The following CCDC192 variants were observed in gnomAD, a reference collection of about 807,000 sequenced individuals.
CCDC192 encodes the protein coiled-coil domain containing 192, also known as coiled-coil domain-containing protein 192.
chr5:127,804,854 A>G (rs1186575036), intron 5 of CCDC192, among the ~76,000 whole-genome samples: 2 of 152,178 alleles, frequency 1.3e-5, no homozygotes, highest in Non-Finnish European at 2.9e-5. Flanking sequence ...TGTCCAGTGA[A>G]GCCCCTAGCA....
intron 6 of CCDC192, among the ~76,000 whole-genome samples, chr5:127,881,775 A>G (rs926150305): frequency 1.3e-5 from 2 of 152,166 alleles, no homozygotes; most frequent in Non-Finnish European, 2.9e-5. Flanking sequence ...ACTTTGTTCA[A>G]ATAATCACAA....
chr5:127,927,049 A>G (rs900963683), intron 6 of CCDC192, among the ~76,000 whole-genome samples: 2 of 152,194 alleles, frequency 1.3e-5, no homozygotes, highest in African/African-American at 4.8e-5. Context: ...GGCATTGGTA[A>G]CCTCAGTAAG....
chr5:127,753,235 C>T (rs1754339239), intron 2 of CCDC192, among the ~76,000 whole-genome samples: 1 of 152,164 alleles, frequency 6.6e-6, no homozygotes. Context: ...AGGTCATCAT[C>T]CTAGCATGTA....
At chr5:127,889,859 C>T (rs1052814640) in intron 6 of CCDC192, among the ~76,000 whole-genome samples, 45 of 151,904 alleles carry the variant, frequency 3.0e-4, no homozygotes, top group African/African-American at 1.1e-3. Context: ...TCTGGCCATG[C>T]CACTGGTCAA....
At chr5:127,820,513 CAGAGGTTGAGG>C (rs1219896207) in intron 5 of CCDC192, among the ~76,000 whole-genome samples, 1 of 152,184 alleles carries the variant, frequency 6.6e-6, no homozygotes, top group Non-Finnish European at 1.5e-5. Context: ...ACCCATGATG[CAGAGGTTGAGG>C]AGAGCTGAAA....
intron 6 of CCDC192, among the ~76,000 whole-genome samples, chr5:127,876,689 C>G (rs1436848697): frequency 2.0e-5 from 3 of 152,124 alleles, no homozygotes; most frequent in Admixed American, 6.6e-5. Context: ...TTCTTTATTA[C>G]TCATGAGTAA....
chr5:127,719,882 CACTT>C (rs1208683690), intron 2 of CCDC192, among the ~76,000 whole-genome samples: 2 of 151,506 alleles, frequency 1.3e-5, no homozygotes, highest in South Asian at 4.2e-4. Flanking sequence ...CATGAGAACT[CACTT>C]ACTATCATGA....
At chr5:127,820,353 G>A (rs927948170) in intron 5 of CCDC192, among the ~76,000 whole-genome samples, 5 of 152,176 alleles carry the variant, frequency 3.3e-5, no homozygotes, top group African/African-American at 9.7e-5. Context: ...AGGCCGAGGC[G>A]GGTGGATCAC....
chr5:127,759,752 T>G (rs1053544847), intron 3 of CCDC192, among the ~76,000 whole-genome samples: 3 of 152,198 alleles, frequency 2.0e-5, no homozygotes, highest in Non-Finnish European at 4.4e-5. Context: ...AAGTCTTTCT[T>G]TCTCACACAC....
intron 5 of CCDC192, among the ~76,000 whole-genome samples, chr5:127,866,473 C>T (rs536630323): frequency 7.5e-5 from 11 of 147,094 alleles, no homozygotes; most frequent in African/African-American, 2.3e-4. Flanking sequence ...TTTCCAGACA[C>T]ATACTAGATG....
chr5:127,885,714 G>A (rs1005187480), intron 6 of CCDC192, among the ~76,000 whole-genome samples: 3 of 152,128 alleles, frequency 2.0e-5, no homozygotes, highest in African/African-American at 7.2e-5. Flanking sequence ...AATCCTGCTG[G>A]ACAAGCAGGA....
intron 6 of CCDC192, among the ~76,000 whole-genome samples, chr5:127,895,245 T>A (rs1752847459): frequency 6.6e-6 from 1 of 152,150 alleles, no homozygotes; most frequent in Admixed American, 6.5e-5. Flanking sequence ...ATGAGTTCTC[T>A]CCAGTTGCCC....
rs1260885418 is a variant in CCDC192 at position 127,750,203 on chromosome 5, G to A, written c.115-4065G>A. On this transcript the variant is annotated intron_variant, in intron 2 of 6. Transcript: ENST00000514853. ...CTTTTCTAGTTCTTTTAATTGTGAT[G>A]TTAGGGTGTCAATTTTGCATCTTTC... Among the ~76,000 whole-genome samples, 3 of 152,070 alleles carry A rather than the reference G, an allele frequency of 2.0e-5. No individual in the cohort carries two copies. The East Asian group carries it at 5.8e-4, about 29-fold the overall frequency.
At chr5:127,829,813 A>C (rs1749700848) in intron 5 of CCDC192, among the ~76,000 whole-genome samples, 1 of 152,112 alleles carries the variant, frequency 6.6e-6, no homozygotes, top group African/African-American at 2.4e-5. Flanking sequence ...TCTTTCCCCA[A>C]CTGTAGCCCC....
intron 6 of CCDC192, among the ~76,000 whole-genome samples, chr5:127,913,992 A>G (rs1753448236): frequency 6.6e-6 from 1 of 152,238 alleles, no homozygotes; most frequent in South Asian, 2.1e-4. Context: ...AATGTGAATA[A>G]AAATGGAGAG....
intron 5 of CCDC192, among the ~76,000 whole-genome samples, chr5:127,874,406 C>T (rs1751983193): frequency 1.3e-5 from 2 of 152,130 alleles, no homozygotes; most frequent in Admixed American, 1.3e-4. Flanking sequence ...CATAAATCAT[C>T]CAGATGATGT....
At chr5:127,783,240 C>G (rs1756344932) in intron 3 of CCDC192, among the ~76,000 whole-genome samples, 1 of 152,096 alleles carries the variant, frequency 6.6e-6, no homozygotes, top group Non-Finnish European at 1.5e-5. Flanking sequence ...GTGATCCACC[C>G]TCCTCGGCCT....
intron 5 of CCDC192, among the ~76,000 whole-genome samples, chr5:127,817,293 G>A (rs890587196): frequency 2.6e-5 from 4 of 152,054 alleles, no homozygotes; most frequent in Admixed American, 6.5e-5. Context: ...CTGTTCCTAG[G>A]TATATACTGC....
chr5:127,736,406 T>A (rs1378339674), intron 2 of CCDC192, among the ~76,000 whole-genome samples: 1 of 151,490 alleles, frequency 6.6e-6, no homozygotes, highest in East Asian at 1.9e-4. Flanking sequence ...TTGTTGTGTC[T>A]CTGCCTGGCT....
Sources: gnomAD v4.1 joint callset for allele counts (sites outside exome capture counted in the v4.1 genomes callset) on GRCh38, gnomAD v4.1.1 for gene constraint, MANE v1.5 for transcripts, NCBI Gene and HGNC (gene_info 2026-07-23, HGNC 2026-07-21) for gene names.